Variants in MEI4 observed in about 807,000 individuals in gnomAD.
MEI4 encodes the protein meiosis-specific protein MEI4.
Under a neutral mutation model 31.4 loss-of-function variants are expected in MEI4, and 27 were observed. That is an observed-to-expected ratio of 0.86 (90% CI 0.63 to 1.19). The LOEUF is 1.19. Among genes scored for constraint, MEI4 ranks in the 50% most tolerant of loss-of-function variants. The pLI is 0.00. For synonymous variants in MEI4, 122 were observed against 145.4 expected, an observed-to-expected ratio of 0.84 and a Z score of 1.16; for missense variants, 329 against 398.9, an observed-to-expected ratio of 0.82 and a Z score of 1.49.
chr6:77,744,696 A>C (rs1387846211), intron 2 of MEI4, among the ~76,000 whole-genome samples: 1 of 152,192 alleles, frequency 6.6e-6, no homozygotes, highest in African/African-American at 2.4e-5. Context: ...AATGAAGGAA[A>C]AATTGTTAAG....
intron 2 of MEI4, among the ~76,000 whole-genome samples, chr6:77,731,396 T>C (rs1582070090): frequency 1.3e-5 from 2 of 151,694 alleles, no homozygotes; most frequent in Non-Finnish European, 2.9e-5. Context: ...GAGCATTTTT[T>C]CCTGTGTTTT....
At chr6:77,916,106 G>A (rs1218105699) in intron 4 of MEI4, among the ~76,000 whole-genome samples, 1 of 150,920 alleles carries the variant, frequency 6.6e-6, no homozygotes, top group Non-Finnish European at 1.5e-5. Flanking sequence ...TAAAATTTAA[G>A]TTCTTTTTAA....
At chr6:77,835,929 T>C (rs1426137534) in intron 4 of MEI4, among the ~76,000 whole-genome samples, 2 of 152,076 alleles carry the variant, frequency 1.3e-5, no homozygotes, top group African/African-American at 4.8e-5. Flanking sequence ...GCTACCCAAA[T>C]ATACCATTTT....
intron 3 of MEI4, among the ~76,000 whole-genome samples, chr6:77,791,184 A>G (rs1389843034): frequency 6.6e-6 from 1 of 152,176 alleles, no homozygotes; most frequent in African/African-American, 2.4e-5. Flanking sequence ...ATTACTGGGT[A>G]TATACCCAAA....
chr6:77,705,391 C>T (rs142499744), intron 2 of MEI4, among the ~76,000 whole-genome samples: 333 of 152,116 alleles, frequency 2.2e-3, no homozygotes, highest in African/African-American at 7.3e-3. Flanking sequence ...ATGTTGTAGG[C>T]AATAAGACAA....
At chr6:77,815,193 A>G (rs573483990) in intron 3 of MEI4, among the ~76,000 whole-genome samples, 1 of 152,058 alleles carries the variant, frequency 6.6e-6, no homozygotes, top group Non-Finnish European at 1.5e-5. Context: ...AACCAAGGCA[A>G]TCAGTCACAC....
intron 1 of MEI4, among the ~76,000 whole-genome samples, chr6:77,682,875 G>A (rs978660214): frequency 6.6e-6 from 1 of 152,170 alleles, no homozygotes; most frequent in Non-Finnish European, 1.5e-5. Flanking sequence ...GAAATGGACT[G>A]TGGAAATGGC....
intron 3 of MEI4, among the ~76,000 whole-genome samples, chr6:77,827,286 G>A (rs1050375313): frequency 6.0e-5 from 9 of 148,774 alleles, no homozygotes; most frequent in South Asian, 4.3e-4. Context: ...GTGTGAACCC[G>A]GAAGGCAGAG....
chr6:77,857,342 A>T (rs970592746), intron 4 of MEI4, among the ~76,000 whole-genome samples: 4 of 152,210 alleles, frequency 2.6e-5, no homozygotes, highest in African/African-American at 9.6e-5. Context: ...TTACTGATGA[A>T]TTCACTGGGG....
At position 77,829,001 on chromosome 6, in the gene MEI4, T is replaced by G; in HGVS notation, c.839T>G (p.Ile280Ser). Residue 280 changes from isoleucine to serine, a missense_variant, in exon 4 of 5, where the codon ATT (isoleucine) becomes AGT (serine). Physicochemically the swap from Ile to Ser is moderately radical, Grantham distance 142. Coordinates refer to ENST00000684080, the MANE Select transcript of MEI4 (RefSeq NM_001322247.2). ...AATTGCAGCTTGTTGAGAAAATCTATTATATCTCTGCTTCTATCAGAAGTA... is the reference window on the plus strand; with the variant it reads ...AATTGCAGCTTGTTGAGAAAATCTAGTATATCTCTGCTTCTATCAGAAGTA... ...LGNCSLLRKS[I>S]ISLLLSEVNG... 5.7e-6 allele frequency: 7 copies of G among 1,232,102 alleles called. No homozygotes were observed. Among genetic ancestry groups the G allele is most frequent in the Non-Finnish European group, 6.1e-6 (6 of 987,836 alleles). The allele number at this position is 1,232,102 out of a possible 1,614,324, so 76.3% of individuals were successfully genotyped here.
chr6:77,668,990 A>G (rs1049423813), intron 1 of MEI4, among the ~76,000 whole-genome samples: 2 of 152,166 alleles, frequency 1.3e-5, no homozygotes, highest in Admixed American at 6.5e-5. Context: ...ATGATGAATT[A>G]ATCTAAAATT....
intron 4 of MEI4, among the ~76,000 whole-genome samples, chr6:77,912,445 T>A (rs1435832276): frequency 6.6e-6 from 1 of 152,096 alleles, no homozygotes; most frequent in African/African-American, 2.4e-5. Context: ...TTCCTATCCA[T>A]GAGTATGAGA....
chr6:77,841,248 G>T (rs1446066671), intron 4 of MEI4, among the ~76,000 whole-genome samples: 1 of 142,130 alleles, frequency 7.0e-6, no homozygotes, highest in Non-Finnish European at 1.5e-5. Flanking sequence ...ATTTTCAGTT[G>T]TATAGCTTCT....
chr6:77,916,224 G>A, intron 4 of MEI4, among the ~76,000 whole-genome samples: 1 of 151,490 alleles, frequency 6.6e-6, no homozygotes, highest in Middle Eastern at 3.2e-3. Flanking sequence ...TTTTAAAATT[G>A]ATATTTTGAA....
At chr6:77,812,454 T>G (rs537577167) in intron 3 of MEI4, among the ~76,000 whole-genome samples, 1 of 152,104 alleles carries the variant, frequency 6.6e-6, no homozygotes, top group Admixed American at 6.6e-5. Context: ...GGGTAGAAGG[T>G]TTTGAAAGAG....
chr6:77,756,614 T>A (rs1244089137), intron 2 of MEI4, among the ~76,000 whole-genome samples: 1 of 147,400 alleles, frequency 6.8e-6, no homozygotes, highest in Non-Finnish European at 1.5e-5. Flanking sequence ...CCTCCCTCCC[T>A]CTCTCTCTCC....
chr6:77,799,975 G>T (rs1253157477), intron 3 of MEI4, among the ~76,000 whole-genome samples: 1 of 152,012 alleles, frequency 6.6e-6, no homozygotes, highest in African/African-American at 2.4e-5. Flanking sequence ...CTTGGCAATG[G>T]GGGCTCTTTT....
At chr6:77,709,804 A>G (rs1278540408) in intron 2 of MEI4, among the ~76,000 whole-genome samples, 1 of 152,230 alleles carries the variant, frequency 6.6e-6, no homozygotes, top group Non-Finnish European at 1.5e-5. Flanking sequence ...TAAATGTGTT[A>G]ATAACTGTGC....
chr6:77,754,058 C>T (rs1289176433), intron 2 of MEI4, among the ~76,000 whole-genome samples: 1 of 151,882 alleles, frequency 6.6e-6, no homozygotes, highest in Admixed American at 6.6e-5. Context: ...AATGAAAGCA[C>T]ATGGACACAG....
Sources: allele counts gnomAD v4.1 joint callset (sites outside exome capture counted in the v4.1 genomes callset), GRCh38; gene constraint gnomAD v4.1.1; transcripts MANE v1.5; gene names NCBI Gene and HGNC (gene_info 2026-07-23, HGNC 2026-07-21).